LRRC7: variants seen among roughly 807,000 people sequenced by gnomAD.
LRRC7 encodes leucine-rich repeat-containing protein 7.
A neutral mutation model predicts 175.7 loss-of-function variants in LRRC7; 23 were observed. The ratio of observed to expected loss-of-function variants is 0.13; its 90% CI spans 0.09 to 0.19. LRRC7 has a LOEUF of 0.19. Among genes scored for constraint, LRRC7 ranks in the 10% least tolerant of loss-of-function variants. LRRC7 has a pLI of 1.00. For synonymous variants in LRRC7, 685 were observed against 680.9 expected (o/e 1.01, Z -0.09); for missense variants, 1,354 against 1,904.7 (o/e 0.71, Z 5.38).
intron 3 of LRRC7, among the ~76,000 whole-genome samples, chr1:69,783,472 G>A (rs1012314543): frequency 2.0e-5 from 3 of 151,968 alleles, no homozygotes; most frequent in African/African-American, 7.3e-5. Flanking sequence ...AAATGATCCT[G>A]GAGGCCGGGC....
At chr1:70,065,916 A>G (rs1031542969) in intron 23 of LRRC7, among the ~76,000 whole-genome samples, 4 of 151,964 alleles carry the variant, frequency 2.6e-5, no homozygotes, top group Non-Finnish European at 5.9e-5. Flanking sequence ...TGAAGAAGCA[A>G]GGAGTTGAGT....
intron 2 of LRRC7, among the ~76,000 whole-genome samples, chr1:69,745,032 G>A (rs531229838): frequency 5.3e-5 from 8 of 151,720 alleles, no homozygotes; most frequent in Non-Finnish European, 4.4e-5. Context: ...TTGTTTATAC[G>A]CTGTGCTGGA....
chr1:69,676,176 T>A (rs1212771153), intron 1 of LRRC7, among the ~76,000 whole-genome samples: 1 of 151,964 alleles, frequency 6.6e-6, no homozygotes, highest in African/African-American at 2.4e-5. Context: ...AGCCTTTTTA[T>A]CTCATATTTT....
chr1:69,639,362 C>G (rs1653860083), intron 1 of LRRC7, among the ~76,000 whole-genome samples: 1 of 151,644 alleles, frequency 6.6e-6, no homozygotes, highest in African/African-American at 2.4e-5. Context: ...ATTAGTTACC[C>G]CTAAAGCAAA....
At chr1:69,786,771 G>A (rs1036477581) in intron 3 of LRRC7, among the ~76,000 whole-genome samples, 2 of 152,114 alleles carry the variant, frequency 1.3e-5, no homozygotes, top group African/African-American at 4.8e-5. Context: ...CTAACAACAC[G>A]TGGGAATTAT....
At chr1:69,781,636 C>T (rs1673504657) in intron 3 of LRRC7, among the ~76,000 whole-genome samples, 1 of 146,480 alleles carries the variant, frequency 6.8e-6, no homozygotes, top group African/African-American at 2.6e-5. Context: ...GAGCTGAGAT[C>T]ATGCCACTGC....
intron 1 of LRRC7, among the ~76,000 whole-genome samples, chr1:69,654,665 T>C (rs1656350286): frequency 6.6e-6 from 1 of 152,124 alleles, no homozygotes; most frequent in Non-Finnish European, 1.5e-5. Flanking sequence ...AACCCATTTT[T>C]GAATCTTTTT....
intron 8 of LRRC7, among the ~76,000 whole-genome samples, chr1:69,962,514 T>TA (rs757788376): frequency 6.6e-4 from 100 of 152,322 alleles, no homozygotes; most frequent in Non-Finnish European, 7.9e-4. Flanking sequence ...TTTTCTGTTA[T>TA]AAAGATGGAT....
chr1:69,869,083 A>G (rs980206203), intron 7 of LRRC7, among the ~76,000 whole-genome samples: 13 of 152,030 alleles, frequency 8.6e-5, no homozygotes, highest in African/African-American at 2.9e-4. Context: ...ATTTCAACCT[A>G]TGAATTTTGA....
At chr1:70,020,869 CTTTCTT>C in intron 15 of LRRC7, 130 bp from the exon 16 acceptor site, 1 of 612,510 alleles carries the variant, frequency 1.6e-6, no homozygotes, top group Non-Finnish European at 2.4e-6. Context: ...CCTTCTTTCT[CTTTCTT>C]TTTTTCTTTC....
chr1:69,760,442 T>C (rs12407496), intron 3 of LRRC7, 49 bp downstream of exon 3: 223,100 of 1,479,150 alleles, frequency 0.15, 17,329 homozygotes, highest in African/African-American at 0.19. Context: ...TATTTCATAA[T>C]TTTCAAATAC....
intron 1 of LRRC7, among the ~76,000 whole-genome samples, chr1:69,618,854 G>A (rs1650095573): frequency 6.6e-6 from 1 of 152,150 alleles, no homozygotes; most frequent in Non-Finnish European, 1.5e-5. Context: ...TGAAAAGGCA[G>A]AATAAGGCTT....
At chr1:69,819,420 G>A (rs1467599823) in intron 4 of LRRC7, among the ~76,000 whole-genome samples, 1 of 151,942 alleles carries the variant, frequency 6.6e-6, no homozygotes. Context: ...CATTGCTGTT[G>A]AAAAGATACT....
chr1:70,093,074 A>G (rs894578737), intron 25 of LRRC7, among the ~76,000 whole-genome samples: 10 of 152,138 alleles, frequency 6.6e-5, no homozygotes, highest in African/African-American at 2.2e-4. Flanking sequence ...CTGCTTTTAC[A>G]TACTTGGAAA....
intron 1 of LRRC7, among the ~76,000 whole-genome samples, chr1:69,588,000 T>C (rs543806385): frequency 4.6e-5 from 7 of 152,326 alleles, no homozygotes; most frequent in African/African-American, 1.7e-4. Flanking sequence ...TATCAGGAGC[T>C]CTAAAAATAT....
At chr1:69,731,296 C>A (rs550141949) in intron 2 of LRRC7, among the ~76,000 whole-genome samples, 105 of 152,076 alleles carry the variant, frequency 6.9e-4, no homozygotes, top group African/African-American at 2.4e-3. Flanking sequence ...ACCCCCACCC[C>A]CAAAAAAACC....
chr1:69,919,456 TG>T, intron 7 of LRRC7: 3 of 986,532 alleles, frequency 3.0e-6, no homozygotes, highest in Non-Finnish European at 4.7e-6. Flanking sequence ...CCCCAGCCAG[TG>T]GGAGCGGCCC....
rs1396287409 is a variant in LRRC7 at position 69,567,957 on chromosome 1, C to G, written c.-683C>G. Among the ~76,000 whole-genome samples, 1 of 152,008 alleles carries G rather than the reference C, an allele frequency of 6.6e-6. No homozygotes were observed. Among genetic ancestry groups the G allele is most frequent in the Admixed American group, 6.5e-5 (1 of 15,270 alleles). ...GCACCTGTGCGCCGAGCCACTGCAC[C>G]GAGGAGGACCCTACTCCGGGTGAAC... On this transcript the variant is annotated 5_prime_UTR_variant, in exon 1 of 27. Transcript: ENST00000651989.
At chr1:69,587,634 G>T (rs1482446639) in intron 1 of LRRC7, among the ~76,000 whole-genome samples, 3 of 152,166 alleles carry the variant, frequency 2.0e-5, no homozygotes, top group African/African-American at 7.2e-5. Context: ...TTGAGGGAGG[G>T]ATCTGATGGA....
Sources: allele counts gnomAD v4.1 joint callset (sites outside exome capture counted in the v4.1 genomes callset), GRCh38; gene constraint gnomAD v4.1.1; transcripts MANE v1.5; gene names NCBI Gene and HGNC (gene_info 2026-07-23, HGNC 2026-07-21).